The following ARHGAP24 variants were observed in gnomAD, a reference collection of about 807,000 sequenced individuals.
ARHGAP24 encodes the protein Rho GTPase activating protein 24, also known as rho GTPase-activating protein 24.
ARHGAP24 carries 50 observed loss-of-function variants against 76.4 expected under a neutral mutation model. The ratio of observed to expected loss-of-function variants is 0.65; its 90% CI spans 0.52 to 0.83. The LOEUF (loss-of-function observed/expected upper bound fraction) is 0.83. ARHGAP24 is among the 40% of genes least tolerant of loss of function. The pLI, the probability that ARHGAP24 is intolerant of heterozygous loss-of-function variation, is 0.00. For missense variants in ARHGAP24, 930 were observed against 914.2 expected (o/e 1.02, Z -0.22); for synonymous variants, 345 against 323.3 (o/e 1.07, Z -0.72).
intron 2 of ARHGAP24, among the ~76,000 whole-genome samples, chr4:85,620,845 T>C (rs1329468278): frequency 6.6e-6 from 1 of 152,052 alleles, no homozygotes; most frequent in Non-Finnish European, 1.5e-5. Context: ...TATTGTATAA[T>C]GCTAGCGTTT....
intron 3 of ARHGAP24, among the ~76,000 whole-genome samples, chr4:85,749,912 G>T (rs563029872): frequency 1.4e-4 from 21 of 152,024 alleles, no homozygotes; most frequent in Admixed American, 5.9e-4. Context: ...TAGTTTTAAA[G>T]AACAGTGAGT....
intron 2 of ARHGAP24, among the ~76,000 whole-genome samples, chr4:85,611,857 G>A (rs1164411205): frequency 6.6e-6 from 1 of 152,110 alleles, no homozygotes; most frequent in African/African-American, 2.4e-5. Flanking sequence ...TCTTTCTGTG[G>A]CAAACAAGTT....
chr4:85,581,253 C>A (rs988985605), intron 2 of ARHGAP24, among the ~76,000 whole-genome samples: 1 of 152,078 alleles, frequency 6.6e-6, no homozygotes, highest in African/African-American at 2.4e-5. Context: ...TAAATTATTT[C>A]TCTTCTGACT....
At chr4:85,715,226 T>C (rs541878677) in intron 2 of ARHGAP24, among the ~76,000 whole-genome samples, 1 of 152,232 alleles carries the variant, frequency 6.6e-6, no homozygotes, top group Admixed American at 6.5e-5. Flanking sequence ...ATTCTAGCCT[T>C]GCAAACACGA....
intron 1 of ARHGAP24, among the ~76,000 whole-genome samples, chr4:85,553,866 A>G (rs774501584): frequency 1.3e-5 from 2 of 151,944 alleles, no homozygotes; most frequent in Non-Finnish European, 2.9e-5. Flanking sequence ...GTGTTGGTAA[A>G]TGGTTATTAT....
At chr4:85,935,272 G>C (rs1224094035) in intron 4 of ARHGAP24, among the ~76,000 whole-genome samples, 1 of 152,164 alleles carries the variant, frequency 6.6e-6, no homozygotes, top group Non-Finnish European at 1.5e-5. Flanking sequence ...GAATGAGAAG[G>C]TAAACAAACA....
rs1039926243 is a variant in ARHGAP24, at chr4:85,587,746, T to C, written c.180+17025T>C. 2.2e-4 allele frequency among the ~76,000 whole-genome samples: 33 copies of C among 152,312 alleles called. 1 individual carries two copies. Among genetic ancestry groups the C allele is most frequent in the Admixed American group, 2.2e-3 (33 of 15,306 alleles). ...GACTCTTGGCTTCCTTTCTTCTTCA[T>C]TCCTTCCATCCTTCTTTCCTTCTGC... On this transcript the variant is annotated intron_variant, in intron 2 of 9. Coordinates refer to ENST00000395184, the MANE Select transcript of ARHGAP24 (RefSeq NM_001025616.3).
chr4:85,657,890 G>A (rs951081263), intron 2 of ARHGAP24, among the ~76,000 whole-genome samples: 1 of 152,070 alleles, frequency 6.6e-6, no homozygotes, highest in Non-Finnish European at 1.5e-5. Context: ...GAATAGCTGG[G>A]GCCACAGGTG....
At chr4:85,674,214 G>C (rs1294473838) in intron 2 of ARHGAP24, among the ~76,000 whole-genome samples, 3 of 152,148 alleles carry the variant, frequency 2.0e-5, no homozygotes, top group Non-Finnish European at 4.4e-5. Context: ...TGTTGATGCT[G>C]CAGGACCAGT....
chr4:85,944,567 G>C (rs973674534), intron 5 of ARHGAP24, among the ~76,000 whole-genome samples: 3 of 152,136 alleles, frequency 2.0e-5, no homozygotes, highest in African/African-American at 7.2e-5. Flanking sequence ...AAGCTCTTTA[G>C]TTTAATTAGA....
At chr4:85,908,257 TAA>T (rs1047598215) in intron 3 of ARHGAP24, among the ~76,000 whole-genome samples, 1 of 152,238 alleles carries the variant, frequency 6.6e-6, no homozygotes, top group African/African-American at 2.4e-5. Context: ...CTTTATAGCA[TAA>T]ATGATTGCAC....
intron 3 of ARHGAP24, among the ~76,000 whole-genome samples, chr4:85,894,728 G>T (rs1295761811): frequency 1.3e-5 from 2 of 152,004 alleles, no homozygotes; most frequent in Admixed American, 1.3e-4. Flanking sequence ...GGGAGACCGA[G>T]GTGGGTGGAT....
chr4:85,644,088 G>T (rs1335057898), intron 2 of ARHGAP24, among the ~76,000 whole-genome samples: 1 of 152,162 alleles, frequency 6.6e-6, no homozygotes, highest in Non-Finnish European at 1.5e-5. Context: ...GGGTCAAAAA[G>T]AGATCAGTTT....
At chr4:85,846,788 C>T (rs959267939) in intron 3 of ARHGAP24, among the ~76,000 whole-genome samples, 1 of 152,160 alleles carries the variant, frequency 6.6e-6, no homozygotes, top group African/African-American at 2.4e-5. Context: ...ACACAGTTTG[C>T]TTTCTGACTT....
At chr4:85,563,623 G>A (rs1012487556) in intron 1 of ARHGAP24, among the ~76,000 whole-genome samples, 2 of 152,134 alleles carry the variant, frequency 1.3e-5, no homozygotes, top group Non-Finnish European at 2.9e-5. Context: ...AATTTGGAGG[G>A]CACAAAACAT....
intron 8 of ARHGAP24, among the ~76,000 whole-genome samples, chr4:85,989,838 C>T (rs1740221383): frequency 6.6e-6 from 1 of 151,582 alleles, no homozygotes; most frequent in Non-Finnish European, 1.5e-5. Flanking sequence ...AAGGTTATCT[C>T]TGAAAAATTT....
chr4:85,931,057 T>G (rs1464523215), intron 4 of ARHGAP24: 1 of 1,609,236 alleles, frequency 6.2e-7, no homozygotes, highest in East Asian at 2.2e-5. Context: ...GTAGATAATA[T>G]GTTCATGTCC....
At chr4:85,887,429 A>G (rs1475087329) in intron 3 of ARHGAP24, among the ~76,000 whole-genome samples, 1 of 152,198 alleles carries the variant, frequency 6.6e-6, no homozygotes, top group Non-Finnish European at 1.5e-5. Flanking sequence ...ACATCAAATG[A>G]AAATCTATCC....
chr4:85,573,539 C>T (rs763792153), intron 2 of ARHGAP24, among the ~76,000 whole-genome samples: 3 of 152,138 alleles, frequency 2.0e-5, no homozygotes, highest in Non-Finnish European at 4.4e-5. Flanking sequence ...TTCTCAACTC[C>T]CATCTATCAA....
Sources: gnomAD v4.1 joint callset for allele counts (sites outside exome capture counted in the v4.1 genomes callset) on GRCh38, gnomAD v4.1.1 for gene constraint, MANE v1.5 for transcripts, NCBI Gene and HGNC (gene_info 2026-07-23, HGNC 2026-07-21) for gene names.